Variants in ANKHD1 observed in about 807,000 individuals in gnomAD.
ANKHD1 encodes the protein ankyrin repeat and KH domain-containing protein 1.
Under a neutral mutation model 230.5 loss-of-function variants are expected in ANKHD1, and 31 were observed. The observed-to-expected ratio is 0.13, with a 90% CI of 0.10 to 0.18. The LOEUF is 0.18. Among genes scored for constraint, ANKHD1 ranks in the 10% least tolerant of loss-of-function variants. The probability of loss-of-function intolerance (pLI) is 1.00; values close to 1 mark genes in which losing one functional copy is unlikely to be tolerated. For synonymous variants in ANKHD1, 1,074 were observed against 1,117.6 expected (o/e 0.96, Z 0.78); for missense variants, 2,256 against 3,071.3 (o/e 0.73, Z 6.27).
At chr5:140,457,404 CAT>C (rs1382029123) in intron 7 of ANKHD1, among the ~76,000 whole-genome samples, 5 of 152,172 alleles carry the variant, frequency 3.3e-5, no homozygotes, top group African/African-American at 9.7e-5. Context: ...CAGATGCACA[CAT>C]ATGTTTATTG....
intron 1 of ANKHD1, among the ~76,000 whole-genome samples, chr5:140,405,029 T>G: frequency 6.6e-6 from 1 of 150,610 alleles, no homozygotes. Context: ...GTAATGGTCT[T>G]TGGAGTCTCC....
At chr5:140,433,970 G>C (rs1773255124) in intron 1 of ANKHD1, among the ~76,000 whole-genome samples, 1 of 152,030 alleles carries the variant, frequency 6.6e-6, no homozygotes, top group Non-Finnish European at 1.5e-5. Context: ...TTTATCTATT[G>C]GATCTGGCAT....
intron 6 of ANKHD1, among the ~76,000 whole-genome samples, chr5:140,448,878 G>T (rs575297865): frequency 6.6e-6 from 1 of 152,266 alleles, no homozygotes; most frequent in South Asian, 2.1e-4. Flanking sequence ...ATGATGCCAA[G>T]ATACTTTACT....
chr5:140,427,901 G>T (rs1772660744), intron 1 of ANKHD1, among the ~76,000 whole-genome samples: 1 of 149,934 alleles, frequency 6.7e-6, no homozygotes, highest in African/African-American at 2.5e-5. Context: ...CAGGTGGAGG[G>T]GCTCCTCACT....
chr5:140,428,914 C>T (rs1422470447), intron 1 of ANKHD1, among the ~76,000 whole-genome samples: 3 of 151,784 alleles, frequency 2.0e-5, no homozygotes, highest in Non-Finnish European at 4.4e-5. Context: ...TCCCGAGTAG[C>T]TGTGACTACA....
chr5:140,505,749 A>T lies in ANKHD1; in HGVS notation c.3288A>T (p.Ala1096=), dbSNP rs1446974240. The T allele has an allele frequency of 2.5e-6, 4 of 1,608,710 alleles. No individual in the cohort carries two copies. The highest frequency in any genetic ancestry group is 1.3e-5 in the African/African-American group (1 of 74,666). The change falls in exon 18 of 34, where the codon GCA becomes GCT. Residue 1096 remains alanine, a synonymous_variant. Coordinates refer to ENST00000360839, the MANE Select transcript of ANKHD1 (RefSeq NM_017747.3). ...GTTTCACACCACTAATCCTGGCAGCAACAGCAGGGCATGTTGGAGTTGTTG... is the reference window on the plus strand; with the variant it reads ...GTTTCACACCACTAATCCTGGCAGCTACAGCAGGGCATGTTGGAGTTGTTG... ...KKGFTPLILA[A]TAGHVGVVEI... is the part of the protein sequence containing the mutation.
At chr5:140,443,334 A>ATT (rs1237089062) in intron 5 of ANKHD1, among the ~76,000 whole-genome samples, 3 of 152,134 alleles carry the variant, frequency 2.0e-5, no homozygotes, top group Non-Finnish European at 2.9e-5. Context: ...AATTAAGATG[A>ATT]TAAAATCAAT....
chr5:140,503,621 G>A (rs760736937), intron 15 of ANKHD1, among the ~76,000 whole-genome samples: 17 of 119,008 alleles, frequency 1.4e-4, no homozygotes, highest in Non-Finnish European at 2.4e-4. Context: ...ATGCTGGAGT[G>A]CAGTGGTGCG....
intron 1 of ANKHD1, among the ~76,000 whole-genome samples, chr5:140,416,299 A>AAT (rs1440075305): frequency 1.3e-5 from 2 of 152,194 alleles, no homozygotes; most frequent in Non-Finnish European, 2.9e-5. Flanking sequence ...TTGGGTATAT[A>AAT]CCCAGTAATG....
At position 140,529,235 on chromosome 5, in the gene ANKHD1, G is replaced by A; in HGVS notation, c.6289G>A (p.Ala2097Thr). 6.2e-7 allele frequency: 1 copy of A among 1,614,178 alleles called. No individual in the cohort carries two copies. The highest frequency in any genetic ancestry group is 8.5e-7 in the Non-Finnish European group (1 of 1,180,044). Reference protein sequence around the residue: ...SDLSPMSMPFASNSEPAPLTL... With the variant: ...SDLSPMSMPFTSNSEPAPLTL... ...TTTAAGTCCTATGTCAATGCCTTTT[G>A]CATCTAACTCAGAACCTGCTCCATT... is the stretch of plus-strand genomic sequence containing the variant. Residue 2097 changes from alanine (A) to threonine (T), a missense_variant, in exon 29 of 34, where the codon GCA becomes ACA. By Grantham distance (58) the Ala-to-Thr change is moderately conservative. Coordinates refer to ENST00000360839, the MANE Select transcript of ANKHD1 (RefSeq NM_017747.3).
At chr5:140,518,913 A>G (rs910082698) in intron 24 of ANKHD1, among the ~76,000 whole-genome samples, 8 of 152,324 alleles carry the variant, frequency 5.3e-5, no homozygotes, top group Admixed American at 2.6e-4. Context: ...CTTATTCAAC[A>G]TAGTGTTGGA....
At chr5:140,487,214 A>G (rs996936066) in intron 14 of ANKHD1, among the ~76,000 whole-genome samples, 154 bp downstream of exon 14, 1 of 151,858 alleles carries the variant, frequency 6.6e-6, no homozygotes, top group African/African-American at 2.4e-5. Flanking sequence ...ATCTAAAACC[A>G]AAAAGACGTG....
chr5:140,427,778 T>A (rs1341797566), intron 1 of ANKHD1, among the ~76,000 whole-genome samples: 1 of 109,970 alleles, frequency 9.1e-6, no homozygotes, highest in Non-Finnish European at 1.9e-5. Flanking sequence ...GGGGGGCTGA[T>A]CCCCCCACCT....
At chr5:140,418,132 G>T (rs998476055) in intron 1 of ANKHD1, among the ~76,000 whole-genome samples, 1 of 149,968 alleles carries the variant, frequency 6.7e-6, no homozygotes, top group East Asian at 2.0e-4. Flanking sequence ...GTGAGCCACC[G>T]GGTCCAGCCT....
chr5:140,517,528 A>G (rs1311687676), intron 24 of ANKHD1, among the ~76,000 whole-genome samples: 3 of 130,492 alleles, frequency 2.3e-5, no homozygotes, highest in Non-Finnish European at 4.9e-5. Context: ...AAAATTGACC[A>G]CATACTTGGA....
Position 140,538,084 on chromosome 5 carries a change from A to G in ANKHD1, c.7229-2A>G. On this transcript the variant is annotated splice_acceptor_variant, in intron 31 of 33. Coordinates refer to ENST00000360839, the MANE Select transcript of ANKHD1 (RefSeq NM_017747.3). LOFTEE classifies it high-confidence loss of function. ...AACTTTGTTTTCAATTATTCTTTCC[A>G]GAAGGCTTATCAGGTTGGTCGCAAT... 5 of 1,603,330 alleles carry G rather than the reference A, an allele frequency of 3.1e-6. No individual in the cohort carries two copies. In the South Asian group the frequency reaches 5.6e-5, roughly 18 times the overall value.
chr5:140,499,149 G>A (rs925680970), intron 15 of ANKHD1, among the ~76,000 whole-genome samples: 3 of 151,846 alleles, frequency 2.0e-5, no homozygotes, highest in Non-Finnish European at 2.9e-5. Flanking sequence ...TTTTTGTGAA[G>A]GCTATGTGTT....
At position 140,485,084 on chromosome 5, in the gene ANKHD1, A is replaced by G. The variant is rs772850702; in HGVS notation, c.1871-37A>G. 20 of 1,582,536 alleles carry G rather than the reference A, an allele frequency of 1.3e-5. No individual in the cohort carries two copies. In the African/African-American group the frequency reaches 1.9e-4, roughly 15 times the overall value. On this transcript the variant is annotated intron_variant, in intron 11 of 33. Transcript: ENST00000360839. This position sits in a 1 kb window ranked among gnomAD's most constrained non-coding sequence, Gnocchi z 4.8. ...ATTGACTATGAACTAGCTTGATGTC[A>G]ACCTTTGCTAAGATTGCGATTTATT...
At chr5:140,472,215 G>A in intron 10 of ANKHD1, 2 of 1,607,486 alleles carry the variant, frequency 1.2e-6, no homozygotes, top group African/African-American at 1.3e-5. Context: ...TAAGATCCGT[G>A]AGTTCTTCTT....
Sources: allele counts gnomAD v4.1 joint callset (sites outside exome capture counted in the v4.1 genomes callset), GRCh38; gene constraint gnomAD v4.1.1; non-coding constraint Gnocchi (gnomAD v3.1); transcripts MANE v1.5; gene names NCBI Gene and HGNC (gene_info 2026-07-23, HGNC 2026-07-21).